POU2F2: variants seen among roughly 807,000 people sequenced by gnomAD.
The protein encoded by POU2F2 is POU class 2 homeobox 2.
Under a neutral mutation model 63.5 loss-of-function variants are expected in POU2F2, and 14 were observed. The ratio of observed to expected loss-of-function variants is 0.22; its 90% CI spans 0.15 to 0.34. The LOEUF is 0.34. Among genes scored for constraint, POU2F2 ranks in the 10% least tolerant of loss-of-function variants. The probability of loss-of-function intolerance (pLI) is 1.00; values close to 1 mark genes in which losing one functional copy is unlikely to be tolerated. For synonymous variants in POU2F2, 306 were observed against 348.6 expected (o/e 0.88, Z 1.36); for missense variants, 607 against 815.2 (o/e 0.74, Z 3.11).
chr19:42,127,540 G>A lies in POU2F2; in HGVS notation c.28+4844C>T, dbSNP rs144595450. 2.9e-4 allele frequency among the ~76,000 whole-genome samples: 44 copies of A among 152,082 alleles called. No homozygotes were observed. The East Asian group carries it at 7.5e-3, about 26-fold the overall frequency. On this transcript the variant is annotated intron_variant, in intron 1 of 14. Transcript: ENST00000692977. ...TGGGATTACATGTGCGCGCCACTAC[G>A]ACTGGCTAATTTTTGTATATTTAGT...
chr19:42,146,659 C>A (rs199586190), intron 2 of POU2F2, among the ~76,000 whole-genome samples: 344 of 7,814 alleles, frequency 0.044, no homozygotes, highest in African/African-American at 0.13. Context: ...TAAGGGAAGG[C>A]CCCCCCATTC....
chr19:42,197,769 G>A (rs1016243522), upstream of POU2F2, among the ~76,000 whole-genome samples: 4 of 152,202 alleles, frequency 2.6e-5, no homozygotes, highest in African/African-American at 9.7e-5. Context: ...GGGGAGCCAC[G>A]TGGAGACAAA....
chr19:42,195,924 C>A (rs1045076243), intron 1 of POU2F2, among the ~76,000 whole-genome samples: 2 of 152,058 alleles, frequency 1.3e-5, no homozygotes, highest in Admixed American at 1.3e-4. Flanking sequence ...GGATTACAGG[C>A]ATGTGCCACC....
In POU2F2 at chr19:42,092,016, G is replaced by C; in HGVS notation, c.1466+53C>G. 1 of 1,558,508 alleles carries C rather than the reference G, an allele frequency of 6.4e-7. No individual in the cohort carries two copies. The highest frequency in any genetic ancestry group is 8.7e-7 in the Non-Finnish European group (1 of 1,151,316). On this transcript the variant is annotated intron_variant, in intron 13 of 14. Coordinates refer to ENST00000692977, the MANE Select transcript of POU2F2 (RefSeq NM_001394376.1). This position sits in a 1 kb window ranked among gnomAD's most constrained non-coding sequence, Gnocchi z 5.0. The stretch of plus-strand genomic sequence containing the variant: ...AACTGGGGTGCCGCTCCCCACCCTA[G>C]AAGCAGCAGCGACCCTGCTTCTCCC...
At chr19:42,143,914 C>T (rs2034179984) in intron 2 of POU2F2, among the ~76,000 whole-genome samples, 1 of 152,124 alleles carries the variant, frequency 6.6e-6, no homozygotes, top group African/African-American at 2.4e-5. Context: ...TACCAGGTTG[C>T]ACTTTCTTCT....
intron 1 of POU2F2, among the ~76,000 whole-genome samples, chr19:42,129,101 G>C (rs1225871334): frequency 6.6e-6 from 1 of 152,018 alleles, no homozygotes; most frequent in Admixed American, 6.6e-5. Context: ...CCAAAGTGCT[G>C]GGATTACAGG....
intron 7 of POU2F2, among the ~76,000 whole-genome samples, chr19:42,098,582 A>G (rs1303223020): frequency 6.6e-6 from 1 of 152,186 alleles, no homozygotes; most frequent in Non-Finnish European, 1.5e-5. Flanking sequence ...AAGAAAAGTC[A>G]TACACTGGCT....
intron 1 of POU2F2, among the ~76,000 whole-genome samples, chr19:42,184,287 G>C (rs1230142849): frequency 6.6e-6 from 1 of 152,108 alleles, no homozygotes; most frequent in Admixed American, 6.5e-5. Flanking sequence ...CCACCGCTCT[G>C]GGCCAAGACT....
intron 7 of POU2F2, 96 bp downstream of exon 7, chr19:42,099,431 G>C: frequency 9.0e-7 from 1 of 1,109,334 alleles, no homozygotes; most frequent in Non-Finnish European, 1.3e-6. Flanking sequence ...GGGTCAAATG[G>C]AAAGGAGACT....
At chr19:42,135,206 G>A (rs1193803309), upstream of POU2F2, among the ~76,000 whole-genome samples, 3 of 152,068 alleles carry the variant, frequency 2.0e-5, no homozygotes. Context: ...GCTCAGAGAG[G>A]CTCCTCAGAC....
chr19:42,192,280 G>A (rs1450828941), intron 1 of POU2F2, among the ~76,000 whole-genome samples: 1 of 152,170 alleles, frequency 6.6e-6, no homozygotes, highest in East Asian at 1.9e-4. Context: ...GAAGTGACCA[G>A]GGAGTCAACG....
intron 2 of POU2F2, among the ~76,000 whole-genome samples, chr19:42,146,952 GCCA>G (rs2034245898): frequency 6.6e-6 from 1 of 152,086 alleles, no homozygotes; most frequent in Non-Finnish European, 1.5e-5. Context: ...TGCAGTCCAG[GCCA>G]CCACCACCTC....
chr19:42,197,620 G>A (rs1599741959), upstream of POU2F2, among the ~76,000 whole-genome samples: 1 of 152,140 alleles, frequency 6.6e-6, no homozygotes, highest in African/African-American at 2.4e-5. Context: ...ACGAGTTCCT[G>A]AGCCCTTACA....
intron 2 of POU2F2, among the ~76,000 whole-genome samples, chr19:42,150,335 G>C (rs1031077565): frequency 1.3e-5 from 2 of 151,256 alleles, no homozygotes; most frequent in Non-Finnish European, 2.9e-5. Flanking sequence ...CGGGCACTGC[G>C]GCTGACATGG....
At chr19:42,168,355 T>C (rs1470467700) in intron 1 of POU2F2, among the ~76,000 whole-genome samples, 1 of 152,216 alleles carries the variant, frequency 6.6e-6, no homozygotes, top group African/African-American at 2.4e-5. Flanking sequence ...CCTGAATAAA[T>C]CCCAAGCCTC....
chr19:42,089,894 T>C lies in POU2F2; in HGVS notation c.*1363A>G, dbSNP rs537948271. 6 of 152,168 alleles carry C rather than the reference T, an allele frequency of 3.9e-5. No individual in the cohort carries two copies. The South Asian group carries it at 1.0e-3, about 26-fold the overall frequency. 9.4% of individuals were successfully genotyped at this position (152,168 alleles called of 1,614,324 possible). A position where few individuals can be genotyped will look rare whatever the true frequency, so the allele number is the denominator to read the frequency against. ...TCTGTCCGTCGTCAGTGGAGACGTGTCCGGGGCTGGTCAAACACAGGGTCC... is the reference window on the plus strand; with the variant it reads ...TCTGTCCGTCGTCAGTGGAGACGTGCCCGGGGCTGGTCAAACACAGGGTCC... On this transcript the variant is annotated 3_prime_UTR_variant, in exon 15 of 15. Transcript: ENST00000692977.
rs918651132 is a variant in POU2F2, at chr19:42,162,849, C to T, written c.-69-2457G>A. Among the ~76,000 whole-genome samples the T allele has an allele frequency of 6.6e-6, 1 of 152,190 alleles. No individual in the cohort carries two copies. The highest frequency in any genetic ancestry group is 2.4e-5 in the African/African-American group (1 of 41,444). ...CCCACAGACACAGAATGCCCACATA[C>T]AACCCCACCGATAGACAGATGGAAA... is the stretch of plus-strand genomic sequence containing the variant. On this transcript the variant is annotated intron_variant, in intron 1 of 6. Coordinates refer to the POU2F2 transcript ENST00000524801. The surrounding 1 kb of genome is among the most constrained non-coding windows in gnomAD (Gnocchi z 4.1).
intron 4 of POU2F2, among the ~76,000 whole-genome samples, chr19:42,120,824 AT>A (rs1162658826): frequency 6.6e-6 from 1 of 152,192 alleles, no homozygotes; most frequent in African/African-American, 2.4e-5. Flanking sequence ...CACATTTTCC[AT>A]AATAAGGTGC....
chr19:42,103,672 G>C (rs2146413059), intron 5 of POU2F2, among the ~76,000 whole-genome samples: 1 of 106,170 alleles, frequency 9.4e-6, no homozygotes, highest in South Asian at 3.1e-4. Flanking sequence ...TCACTCTGTT[G>C]CCCAGGCTGG....
Sources: allele counts gnomAD v4.1 joint callset (sites outside exome capture counted in the v4.1 genomes callset), GRCh38; gene constraint gnomAD v4.1.1; non-coding constraint Gnocchi (gnomAD v3.1); transcripts MANE v1.5; gene names NCBI Gene and HGNC (gene_info 2026-07-23, HGNC 2026-07-21).